The following ZC4H2 variants were observed in gnomAD, a reference collection of about 807,000 sequenced individuals.
ZC4H2 encodes the protein zinc finger C4H2 domain-containing protein.
For synonymous variants in ZC4H2, 84 were observed against 66.3 expected, an observed-to-expected ratio of 1.27 and a Z score of -1.30; for missense variants, 137 against 173.9, an observed-to-expected ratio of 0.79 and a Z score of 1.19.
chrX:64,970,769 C>T (rs1931756275), intron 1 of ZC4H2, among the ~76,000 whole-genome samples: 1 of 111,790 alleles, frequency 8.9e-6, no homozygotes, highest in African/African-American at 3.3e-5. Flanking sequence ...GAGGAATCTG[C>T]AGAGGCAAAG....
intron 1 of ZC4H2, among the ~76,000 whole-genome samples, chrX:64,958,910 A>T (rs944912218): frequency 3.6e-5 from 4 of 111,200 alleles, no homozygotes; most frequent in Admixed American, 9.6e-5. Context: ...TAAACAACAC[A>T]ATACTTCCTG....
At chrX:64,938,557 T>C (rs1411592442) in intron 1 of ZC4H2, among the ~76,000 whole-genome samples, 1 of 111,936 alleles carries the variant, frequency 8.9e-6, no homozygotes, top group East Asian at 2.8e-4. Context: ...GCAAACTGAA[T>C]CCAGCAGCAC....
chrX:65,006,086 T>C (rs1449577983), intron 1 of ZC4H2, among the ~76,000 whole-genome samples: 1 of 111,414 alleles, frequency 9.0e-6, no homozygotes, highest in Non-Finnish European at 1.9e-5. Context: ...TGTGGAGAAA[T>C]AGGAATGCTT....
intron 1 of ZC4H2, among the ~76,000 whole-genome samples, chrX:64,924,115 T>C (rs1929325831): frequency 1.8e-5 from 2 of 111,384 alleles, no homozygotes; most frequent in African/African-American, 6.5e-5. Flanking sequence ...AGATTCAGAG[T>C]AGTATAGTGT....
intron 1 of ZC4H2, among the ~76,000 whole-genome samples, chrX:64,932,750 G>T (rs1479989378): frequency 9.0e-6 from 1 of 111,258 alleles, no homozygotes; most frequent in East Asian, 2.8e-4. Context: ...GATAGGTTTT[G>T]CTTTATAGGT....
intron 1 of ZC4H2, among the ~76,000 whole-genome samples, chrX:65,027,202 G>C (rs1932888202): frequency 8.9e-6 from 1 of 112,110 alleles, no homozygotes; most frequent in Non-Finnish European, 1.9e-5. Context: ...TGTAGAGAAT[G>C]GTAGGGGATA....
chrX:64,918,005 A>G (rs1929012389), intron 4 of ZC4H2, 109 bp from the exon 5 acceptor site: 2 of 926,653 alleles, frequency 2.2e-6, no homozygotes, highest in Non-Finnish European at 2.9e-6. Flanking sequence ...TCCCATCAGA[A>G]GAGAGCAATA....
chrX:64,968,470 G>C (rs757670740), intron 1 of ZC4H2, among the ~76,000 whole-genome samples: 1 of 111,401 alleles, frequency 9.0e-6, no homozygotes, highest in Non-Finnish European at 1.9e-5. Flanking sequence ...GGAATCTCTT[G>C]GCACCTTGGA....
intron 1 of ZC4H2, among the ~76,000 whole-genome samples, chrX:65,004,532 G>T (rs2147281689): frequency 9.0e-6 from 1 of 111,585 alleles, no homozygotes; most frequent in African/African-American, 3.3e-5. Flanking sequence ...AATTCAACAT[G>T]GCTTCATGCT....
intron 1 of ZC4H2, among the ~76,000 whole-genome samples, chrX:65,032,081 G>A (rs562950139): frequency 2.7e-5 from 3 of 111,164 alleles, no homozygotes; most frequent in Admixed American, 9.6e-5. Context: ...CCTTTCTATC[G>A]TAGTAAAGGC....
Position 64,965,274 on chromosome X carries a change from C to T in ZC4H2, c.53+11051G>A, listed in dbSNP as rs760848387. Among the ~76,000 whole-genome samples the T allele has an allele frequency of 5.4e-5, 6 of 111,204 alleles. No individual in the cohort carries two copies. In the East Asian group the frequency reaches 1.4e-3, roughly 26 times the overall value. On this transcript the variant is annotated intron_variant, in intron 1 of 4. Coordinates refer to ENST00000374839, the MANE Select transcript of ZC4H2 (RefSeq NM_018684.4). ...TGGAGAACCTACATGACCTGGTTTC[C>T]GTAATTATTAAAAAGATATAGTAAT...
chrX:64,930,127 G>A (rs5964882), intron 1 of ZC4H2, among the ~76,000 whole-genome samples: 15,616 of 110,162 alleles, frequency 0.14, 2,647 homozygotes, highest in African/African-American at 0.48. Context: ...TTATTTTTGC[G>A]GCTGTTGTAA....
At chrX:65,001,297 T>G (rs1016333608) in intron 1 of ZC4H2, among the ~76,000 whole-genome samples, 1 of 111,603 alleles carries the variant, frequency 9.0e-6, no homozygotes, top group African/African-American at 3.3e-5. Flanking sequence ...TATCCAACAT[T>G]CTTAAAGAAA....
intron 1 of ZC4H2, among the ~76,000 whole-genome samples, chrX:64,952,027 A>C (rs1381234916): frequency 9.0e-6 from 1 of 111,072 alleles, no homozygotes; most frequent in African/African-American, 3.3e-5. Context: ...ATGGCTAGCC[A>C]GTTTTCCCAG....
At chrX:64,929,439 C>G (rs1929637945) in intron 1 of ZC4H2, among the ~76,000 whole-genome samples, 2 of 111,693 alleles carry the variant, frequency 1.8e-5, no homozygotes, top group Non-Finnish European at 3.8e-5. Context: ...GAATTCTTTG[C>G]CTAAGCCAAT....
At chrX:64,977,957 G>T (rs1931997026), upstream of ZC4H2, among the ~76,000 whole-genome samples, 1 of 111,725 alleles carries the variant, frequency 9.0e-6, no homozygotes, top group African/African-American at 3.3e-5. Flanking sequence ...CAGGTAAGAG[G>T]CAGTTACTCA....
chrX:64,951,861 A>G (rs1930857326), intron 1 of ZC4H2, among the ~76,000 whole-genome samples: 1 of 111,537 alleles, frequency 9.0e-6, no homozygotes, highest in Non-Finnish European at 1.9e-5. Context: ...TGTTTTAGAC[A>G]TGAAGTCCTT....
chrX:65,025,989 A>G (rs768629656), intron 1 of ZC4H2, among the ~76,000 whole-genome samples: 59 of 111,967 alleles, frequency 5.3e-4, no homozygotes, highest in Non-Finnish European at 1.7e-4. Context: ...CTGCTTAGGT[A>G]CAGAGAGAGA....
At chrX:64,987,612 TA>T (rs1312644901) in intron 1 of ZC4H2, among the ~76,000 whole-genome samples, 1 of 109,708 alleles carries the variant, frequency 9.1e-6, no homozygotes, top group East Asian at 2.8e-4. Context: ...ATGATGGATT[TA>T]AATGTAAAAT....
Sources: gnomAD v4.1 joint callset for allele counts (sites outside exome capture counted in the v4.1 genomes callset) on GRCh38, gnomAD v4.1.1 for gene constraint, MANE v1.5 for transcripts, NCBI Gene and HGNC (gene_info 2026-07-23, HGNC 2026-07-21) for gene names.